Variants in DOCK8 observed in about 807,000 individuals in gnomAD.
DOCK8 encodes dedicator of cytokinesis 8.
DOCK8 carries 141 observed loss-of-function variants against 245.6 expected under a neutral mutation model. The ratio of observed to expected loss-of-function variants is 0.57; its 90% CI spans 0.50 to 0.66. The LOEUF (loss-of-function observed/expected upper bound fraction) is 0.66, where lower values mean the gene tolerates loss of function less well. DOCK8 is among the 30% of genes least tolerant of loss of function. The pLI is 0.00. For synonymous variants in DOCK8, 1,168 were observed against 970.2 expected (o/e 1.20, Z -3.79); for missense variants, 2,965 against 2,603.4 (o/e 1.14, Z -3.02).
intron 1 of DOCK8, among the ~76,000 whole-genome samples, chr9:263,180 C>T (rs1162416399): frequency 6.6e-6 from 1 of 150,668 alleles, no homozygotes; most frequent in Non-Finnish European, 1.5e-5. Context: ...GCACTTCAAC[C>T]TGGGTGACAG....
At chr9:357,466 T>C (rs1387732927) in intron 14 of DOCK8, among the ~76,000 whole-genome samples, 2 of 152,230 alleles carry the variant, frequency 1.3e-5, no homozygotes, top group Non-Finnish European at 2.9e-5. Context: ...TCTCTCTCTC[T>C]TTCTCTTTCT....
chr9:247,676 G>A (rs1250606391), intron 1 of DOCK8, among the ~76,000 whole-genome samples: 2 of 152,028 alleles, frequency 1.3e-5, no homozygotes, highest in Non-Finnish European at 2.9e-5. Context: ...TGGGAATACA[G>A]GCACCCACCA....
intron 26 of DOCK8, among the ~76,000 whole-genome samples, chr9:400,982 AC>A: frequency 8.2e-6 from 1 of 121,302 alleles, no homozygotes; most frequent in South Asian, 3.2e-4. Context: ...CACCATCACC[AC>A]CTCCTCCACC....
At chr9:341,109 A>G (rs73639059) in intron 14 of DOCK8, among the ~76,000 whole-genome samples, 6,726 of 152,334 alleles carry the variant, frequency 0.044, 501 homozygotes, top group African/African-American at 0.15. Flanking sequence ...CAGCAGTACA[A>G]TAGCCACTAA....
At position 271,681 on chromosome 9, in the gene DOCK8, G is replaced by T; in HGVS notation, c.108G>T (p.Gln36His). 6.4e-7 allele frequency: 1 copy of T among 1,551,792 alleles called. No individual in the cohort carries two copies. Among genetic ancestry groups the T allele is most frequent in the East Asian group, 2.4e-5 (1 of 40,912 alleles). The change falls in exon 2 of 48, where the codon CAG (glutamine) becomes CAT (histidine). Residue 36 changes from glutamine (Q) to histidine (H), a missense_variant. This residue lies in a region of DOCK8 where 2,825 missense variants were observed against 2,453.5 expected (regional missense o/e 1.15). Transcript: ENST00000432829. ...TTACTCTCCCACCAAACCTTGGCCA[G>T]TACCATCGACAGAGCATAAGTACCT... ...KQFTLPPNLGQYHRQSISTSG... is the reference protein window; with the variant it reads ...KQFTLPPNLGHYHRQSISTSG...
intron 1 of DOCK8, among the ~76,000 whole-genome samples, chr9:243,604 C>T (rs1393598541): frequency 6.6e-6 from 1 of 152,116 alleles, no homozygotes; most frequent in Non-Finnish European, 1.5e-5. Context: ...TCAGGATTTC[C>T]AGGGGGCTCC....
At chr9:220,831 C>T (rs1200303047) in intron 1 of DOCK8, 2 of 340,454 alleles carry the variant, frequency 5.9e-6, no homozygotes, top group Non-Finnish European at 1.1e-5. Context: ...AGCGATTCTC[C>T]TGCCTCAGCC....
chr9:250,876 G>C (rs1394024823), intron 1 of DOCK8, among the ~76,000 whole-genome samples: 2 of 152,206 alleles, frequency 1.3e-5, no homozygotes, highest in African/African-American at 4.8e-5. Flanking sequence ...AGAAGGGTGA[G>C]GGTGGTAGCC....
chr9:439,514 G>A (rs545758357), intron 40 of DOCK8, 126 bp downstream of exon 40: 51 of 1,310,694 alleles, frequency 3.9e-5, no homozygotes, highest in African/African-American at 8.8e-5. Flanking sequence ...CAGGGTGTGC[G>A]GGGCAGGGGA....
chr9:232,677 T>C (rs2131377643), intron 1 of DOCK8, among the ~76,000 whole-genome samples: 1 of 152,348 alleles, frequency 6.6e-6, no homozygotes, highest in South Asian at 2.1e-4. Context: ...TTCTAGTTTA[T>C]TTGCAAAGAG....
rs2055036416 is a variant in DOCK8 at position 400,975 on chromosome 9, C to CTTTCCT, written c.3234+1716_3234+1717insTTTCCT. Among the ~76,000 whole-genome samples the CTTTCCT allele has an allele frequency of 1.2e-4, 9 of 75,254 alleles. 2 individuals are homozygous for CTTTCCT. In the African/African-American group the frequency reaches 2.0e-3, roughly 17 times the overall value. The allele number at this position is 75,254 out of a possible 152,430, so 49.4% of individuals were successfully genotyped here. On this transcript the variant is annotated intron_variant, in intron 26 of 47. Coordinates refer to ENST00000432829, the MANE Select transcript of DOCK8 (RefSeq NM_203447.4). The stretch of plus-strand genomic sequence containing the variant: ...CCACCACCACCACCACCTCCTCCAC[C>CTTTCCT]ATCACCACCTCCTCCACCACCACCA...
At chr9:250,628 A>T (rs2131460898) in intron 1 of DOCK8, among the ~76,000 whole-genome samples, 1 of 152,268 alleles carries the variant, frequency 6.6e-6, no homozygotes, top group Non-Finnish European at 1.5e-5. Flanking sequence ...TAGTACTATC[A>T]TTTGGGAGTA....
Position 463,783 on chromosome 9 carries a change from G to A in DOCK8, c.6239+96G>A, listed in dbSNP as rs144093300. 5,094 of 1,444,240 alleles carry A rather than the reference G, an allele frequency of 3.5e-3. 97 individuals are homozygous for A. The Admixed American group carries it at 0.044, about 13-fold the overall frequency. The allele number at this position is 1,444,240 out of a possible 1,614,324, so 89.5% of individuals were successfully genotyped here. A position where few individuals can be genotyped will look rare whatever the true frequency, so the allele number is the denominator to read the frequency against. On this transcript the variant is annotated intron_variant, in intron 47 of 47. Coordinates refer to ENST00000432829, the MANE Select transcript of DOCK8 (RefSeq NM_203447.4). The stretch of plus-strand genomic sequence containing the variant: ...CATGCTCTGCTGCACTTGGGGAGCT[G>A]CAGAACCTCGAAAGGGTGGAAGAGG...
At chr9:394,355 G>A (rs1028313142) in intron 24 of DOCK8, among the ~76,000 whole-genome samples, 1 of 152,242 alleles carries the variant, frequency 6.6e-6, no homozygotes, top group Non-Finnish European at 1.5e-5. Flanking sequence ...CAGACAAGGT[G>A]CCCAATTCTT....
At chr9:401,935 G>A (rs1054671053) in intron 26 of DOCK8, among the ~76,000 whole-genome samples, 3 of 152,184 alleles carry the variant, frequency 2.0e-5, no homozygotes, top group African/African-American at 7.2e-5. Flanking sequence ...CCCCTGCCCT[G>A]CAGCGGATCT....
Position 429,676 on chromosome 9 carries a change from C to T in DOCK8, c.4474-26C>T, listed in dbSNP as rs188194675. On this transcript the variant is annotated intron_variant, in intron 35 of 47. Transcript: ENST00000432829. ...AGTGTATCAAACTGCCAAGTGATGCCTAATGGCCCTTTATGTCTCTCCTAG... is the reference window on the plus strand; with the variant it reads ...AGTGTATCAAACTGCCAAGTGATGCTTAATGGCCCTTTATGTCTCTCCTAG... 199 of 1,614,082 alleles carry T rather than the reference C, an allele frequency of 1.2e-4. 1 individual carries two copies. In the East Asian group the frequency reaches 1.8e-3, roughly 15 times the overall value.
chr9:407,282 G>A (rs1048813921), intron 28 of DOCK8, among the ~76,000 whole-genome samples: 2 of 152,128 alleles, frequency 1.3e-5, no homozygotes, highest in African/African-American at 4.8e-5. Context: ...GGATGGGTAA[G>A]AACTACAAAA....
In DOCK8 at chr9:420,601, C is replaced by A. The variant is rs2056237623; in HGVS notation, c.4023+18C>A. The A allele has an allele frequency of 1.2e-6, 2 of 1,613,924 alleles. No individual in the cohort carries two copies. Among genetic ancestry groups the A allele is most frequent in the African/African-American group, 1.3e-5 (1 of 75,018 alleles). Reference sequence around the variant, plus strand: ...AGTATAAGGTAAGTCTGGAGTGGCACAACTTTATACCAGCTCTTATCTCTC... The same window carrying A: ...AGTATAAGGTAAGTCTGGAGTGGCAAAACTTTATACCAGCTCTTATCTCTC... On this transcript the variant is annotated intron_variant, in intron 31 of 47. Transcript: ENST00000432829.
intron 21 of DOCK8, 70 bp downstream of exon 21, chr9:380,005 C>G: frequency 6.5e-7 from 1 of 1,543,648 alleles, no homozygotes; most frequent in Non-Finnish European, 8.8e-7. Flanking sequence ...GCAGTGTAAT[C>G]CAAAATAAAA....
Sources: allele counts gnomAD v4.1 joint callset (sites outside exome capture counted in the v4.1 genomes callset), GRCh38; gene constraint gnomAD v4.1.1; regional missense constraint gnomAD v4.1.1; transcripts MANE v1.5; gene names NCBI Gene and HGNC (gene_info 2026-07-23, HGNC 2026-07-21).